Variants in KDSR observed in about 807,000 individuals in gnomAD.
KDSR encodes 3-ketodihydrosphingosine reductase, also known as 3-dehydrosphinganine reductase.
A neutral mutation model predicts 41.3 loss-of-function variants in KDSR; 23 were observed. The ratio of observed to expected loss-of-function variants is 0.56; its 90% confidence interval spans 0.40 to 0.79. KDSR has a LOEUF of 0.79. Ranked by LOEUF, KDSR falls within the 30% of genes least tolerant of loss-of-function variation. The probability of loss-of-function intolerance (pLI) is 0.00; values close to 1 mark genes in which losing one functional copy is unlikely to be tolerated. For missense variants in KDSR, 351 were observed against 416.8 expected (o/e 0.84, Z 1.37); for synonymous variants, 138 against 151.7 (o/e 0.91, Z 0.66).
At chr18:63,360,268 C>T (rs1317231416) in intron 2 of KDSR, among the ~76,000 whole-genome samples, 3 of 152,126 alleles carry the variant, frequency 2.0e-5, no homozygotes, top group African/African-American at 7.2e-5. Flanking sequence ...TCTGGATAGA[C>T]TGGGTAAACT....
chr18:63,362,726 A>C, intron 2 of KDSR, 53 bp downstream of exon 2: 1 of 1,229,276 alleles, frequency 8.1e-7, no homozygotes, highest in Non-Finnish European at 1.2e-6. Flanking sequence ...AGCCTCTTTG[A>C]CTAATTTCAA....
At chr18:63,349,674 C>T (rs1422444481) in intron 6 of KDSR, among the ~76,000 whole-genome samples, 1 of 152,242 alleles carries the variant, frequency 6.6e-6, no homozygotes, top group Non-Finnish European at 1.5e-5. Context: ...CAACGCTCGT[C>T]CCATATCTCA....
At chr18:63,355,073 T>C in intron 5 of KDSR, 131 bp downstream of exon 5, 1 of 621,266 alleles carries the variant, frequency 1.6e-6, no homozygotes, top group Non-Finnish European at 2.8e-6. Context: ...TGTTCAGCCT[T>C]CCTCTAGAGT....
intron 8 of KDSR, 126 bp from the exon 9 acceptor site, chr18:63,335,484 T>C: frequency 4.4e-6 from 3 of 675,236 alleles, no homozygotes; most frequent in East Asian, 5.4e-5. Flanking sequence ...CACAAAGCAT[T>C]GATCAGCACT....
chr18:63,342,933 C>T (rs1914386322), intron 7 of KDSR, among the ~76,000 whole-genome samples: 1 of 152,136 alleles, frequency 6.6e-6, no homozygotes, highest in African/African-American at 2.4e-5. Flanking sequence ...TCTCGTGATA[C>T]TGAGTGAGTT....
chr18:63,351,538 T>C (rs1185603255), intron 5 of KDSR, among the ~76,000 whole-genome samples: 1 of 152,214 alleles, frequency 6.6e-6, no homozygotes, highest in Non-Finnish European at 1.5e-5. Context: ...TCCCATTTAT[T>C]GCCTATTTGA....
At chr18:63,340,487 A>G (rs1193351423) in intron 7 of KDSR, among the ~76,000 whole-genome samples, 1 of 152,238 alleles carries the variant, frequency 6.6e-6, no homozygotes, top group Non-Finnish European at 1.5e-5. Flanking sequence ...AAAAAAATAT[A>G]TAAAACTAAA....
chr18:63,359,050 G>A (rs1454012486), intron 3 of KDSR, among the ~76,000 whole-genome samples: 31 of 149,676 alleles, frequency 2.1e-4, no homozygotes, highest in African/African-American at 6.1e-4. Flanking sequence ...ATGATGGCAC[G>A]TGTCTATAAT....
chr18:63,354,162 A>G (rs1368866251), intron 5 of KDSR, among the ~76,000 whole-genome samples: 1 of 152,090 alleles, frequency 6.6e-6, no homozygotes, highest in Non-Finnish European at 1.5e-5. Context: ...AAGTCTGTCT[A>G]GACGGCGCAC....
chr18:63,351,102 A>G (rs780515282), intron 5 of KDSR, 23 bp from the exon 6 acceptor site: 8 of 1,586,500 alleles, frequency 5.0e-6, no homozygotes, highest in Admixed American at 1.8e-5. Flanking sequence ...AAGAGGCCAC[A>G]TGAGGTCAAA....
intron 2 of KDSR, among the ~76,000 whole-genome samples, chr18:63,361,708 A>G (rs1415164841): frequency 6.6e-6 from 1 of 152,082 alleles, no homozygotes; most frequent in African/African-American, 2.4e-5. Context: ...CCAGCTACTC[A>G]GGAAGCTAAG....
At chr18:63,354,476 G>C (rs868174448) in intron 5 of KDSR, among the ~76,000 whole-genome samples, 1 of 152,026 alleles carries the variant, frequency 6.6e-6, no homozygotes, top group African/African-American at 2.4e-5. Flanking sequence ...GAGACCAGCC[G>C]GGCCAACGTG....
At chr18:63,334,712 C>T (rs1313215339) in intron 9 of KDSR, among the ~76,000 whole-genome samples, 1 of 152,178 alleles carries the variant, frequency 6.6e-6, no homozygotes, top group Non-Finnish European at 1.5e-5. Context: ...GGAGAGGTCG[C>T]CTTCCATCTG....
At chr18:63,336,277 G>A (rs1444066934) in intron 8 of KDSR, among the ~76,000 whole-genome samples, 7 of 152,130 alleles carry the variant, frequency 4.6e-5, no homozygotes, top group Admixed American at 2.6e-4. Context: ...CAATCCAGCC[G>A]CCTCGGCCTC....
Position 63,335,337 on chromosome 18 carries a change from G to C in KDSR, c.799C>G (p.Leu267Val). Residue 267 changes from leucine (L) to valine (V), a missense_variant, in exon 9 of 10, where the codon CTT becomes GTT. Transcript: ENST00000645214. ...GAGAGCATGTACCCATCTGAGCCAA[G>C]GGAACTGTTGAAATTTCCTTGCTAA... Reference protein sequence around the residue: ...DAIQGNFNSSLGSDGYMLSAL... With the variant: ...DAIQGNFNSSVGSDGYMLSAL... 6.2e-7 allele frequency: 1 copy of C among 1,613,618 alleles called. No homozygotes were observed. The highest frequency in any genetic ancestry group is 8.5e-7 in the Non-Finnish European group (1 of 1,179,578).
intron 9 of KDSR, among the ~76,000 whole-genome samples, chr18:63,333,552 G>T (rs898891): frequency 6.6e-6 from 1 of 151,984 alleles, no homozygotes; most frequent in Non-Finnish European, 1.5e-5. Flanking sequence ...GTGGTTGCAG[G>T]GACTGTGCTC....
intron 7 of KDSR, among the ~76,000 whole-genome samples, chr18:63,343,805 A>T (rs1310292398): frequency 6.6e-6 from 1 of 152,012 alleles, no homozygotes; most frequent in Non-Finnish European, 1.5e-5. Flanking sequence ...TCTAGGGAGT[A>T]GGAATTGGGA....
At chr18:63,357,575 T>TAC (rs1568282558) in intron 3 of KDSR, among the ~76,000 whole-genome samples, 36 of 107,336 alleles carry the variant, frequency 3.4e-4, no homozygotes, top group African/African-American at 1.0e-3. Context: ...TACATACATA[T>TAC]ATATATATAT....
At chr18:63,333,562 C>G (rs1170411668) in intron 9 of KDSR, among the ~76,000 whole-genome samples, 1 of 152,106 alleles carries the variant, frequency 6.6e-6, no homozygotes, top group Non-Finnish European at 1.5e-5. Flanking sequence ...GGACTGTGCT[C>G]CTCCCTCAGG....
Sources: allele counts gnomAD v4.1 joint callset (sites outside exome capture counted in the v4.1 genomes callset), GRCh38; gene constraint gnomAD v4.1.1; transcripts MANE v1.5; gene names NCBI Gene and HGNC (gene_info 2026-07-23, HGNC 2026-07-21).